ARHGEF17: variants seen among roughly 807,000 people sequenced by gnomAD.
ARHGEF17 encodes the protein 164 kDa Rho-specific guanine-nucleotide exchange factor.
Under a neutral mutation model 174.0 loss-of-function variants are expected in ARHGEF17, and 80 were observed. The observed-to-expected ratio is 0.46, with a 90% CI of 0.38 to 0.55. ARHGEF17 has a LOEUF of 0.55. Ranked by LOEUF, ARHGEF17 falls within the 20% of genes least tolerant of loss-of-function variation. The pLI is 0.00. For synonymous variants in ARHGEF17, 1,311 were observed against 1,189.1 expected (o/e 1.10, Z -2.11); for missense variants, 2,886 against 2,839.7 (o/e 1.02, Z -0.37).
In ARHGEF17 at chr11:73,365,269, T is replaced by A; in HGVS notation, c.5551-121T>A. 1 of 1,156,630 alleles carries A rather than the reference T, an allele frequency of 8.6e-7. No individual in the cohort carries two copies. The highest frequency in any genetic ancestry group is 2.5e-5 in the East Asian group (1 of 39,298). 71.6% of individuals were successfully genotyped at this position (1,156,630 alleles called of 1,614,324 possible). The stretch of plus-strand genomic sequence containing the variant: ...GTGAAACCAAGCTTCGAAAGGTTAA[T>A]CAGACCAAGGACCAACGCTAGTGTG... On this transcript the variant is annotated intron_variant, in intron 18 of 20. Coordinates refer to ENST00000263674, the MANE Select transcript of ARHGEF17 (RefSeq NM_014786.4). This position sits in a 1 kb window ranked among gnomAD's most constrained non-coding sequence, Gnocchi z 4.9.
At chr11:73,312,010 C>T (rs1268940362) in intron 1 of ARHGEF17, among the ~76,000 whole-genome samples, 180 bp downstream of exon 1, 2 of 152,220 alleles carry the variant, frequency 1.3e-5, no homozygotes, top group Non-Finnish European at 1.5e-5. Flanking sequence ...CTCCTGTCTA[C>T]TCAGGCCCTG....
chr11:73,368,920 G>A lies in ARHGEF17; in HGVS notation c.*1140G>A, dbSNP rs1261931129. 6.6e-6 allele frequency: 1 copy of A among 152,318 alleles called. No individual in the cohort carries two copies. The highest frequency in any genetic ancestry group is 6.6e-5 in the Admixed American group (1 of 15,260). 9.4% of individuals were successfully genotyped at this position (152,318 alleles called of 1,614,324 possible). ...CGCTTCTTCAGCTAAAACTCCAAAGGTTTGGTTTCAGATGGGGTTTGTTTT... is the reference window on the plus strand; with the variant it reads ...CGCTTCTTCAGCTAAAACTCCAAAGATTTGGTTTCAGATGGGGTTTGTTTT... On this transcript the variant is annotated 3_prime_UTR_variant, in exon 21 of 21. Coordinates refer to ENST00000263674, the MANE Select transcript of ARHGEF17 (RefSeq NM_014786.4).
chr11:73,320,489 TAGC>T (rs1864999457), intron 1 of ARHGEF17, among the ~76,000 whole-genome samples: 1 of 149,934 alleles, frequency 6.7e-6, no homozygotes, highest in African/African-American at 2.5e-5. Flanking sequence ...AAAAAAAAAT[TAGC>T]AGGGCGTAGT....
In ARHGEF17 at chr11:73,357,330, G is replaced by A. The variant is rs772067163; in HGVS notation, c.4087+3G>A. 2.5e-6 allele frequency: 4 copies of A among 1,612,782 alleles called. No individual in the cohort carries two copies. The highest frequency in any genetic ancestry group is 3.4e-6 in the Non-Finnish European group (4 of 1,179,416). On this transcript the variant is annotated splice_donor_region_variant and intron_variant, in intron 9 of 20. Coordinates refer to ENST00000263674, the MANE Select transcript of ARHGEF17 (RefSeq NM_014786.4). ...GGAAGACGCAGACATCATCAAAGGT[G>A]GGTTTGATGCTAGGGGTTCTGGGTG...
In ARHGEF17 at chr11:73,362,145, C is replaced by T. The variant is rs138185754; in HGVS notation, c.4600C>T (p.Arg1534Cys). The change falls in exon 13 of 21, where the codon CGC (arginine) becomes TGC (cysteine). Residue 1534 changes from arginine (R) to cysteine (C), a missense_variant. Transcript: ENST00000263674. ...YVGQVCLLSL[R>C]AEPDVEACIA... ...GGGCCAGGTGTGCCTGCTGAGCCTG[C>T]GCGCCGAGCCGGACGTGGAGGCCTG... The T allele has an allele frequency of 2.6e-5, 42 of 1,607,712 alleles. No individual in the cohort carries two copies. Among genetic ancestry groups the T allele is most frequent in the Non-Finnish European group, 3.2e-5 (38 of 1,178,534 alleles).
intron 2 of ARHGEF17, chr11:73,347,293 G>T (rs1250743035): frequency 4.7e-6 from 2 of 425,448 alleles, no homozygotes. Context: ...TCACTGACTG[G>T]GAAGTATGAG....
At chr11:73,343,256 C>T (rs1225464413) in intron 1 of ARHGEF17, 2 of 398,626 alleles carry the variant, frequency 5.0e-6, no homozygotes, top group Non-Finnish European at 8.8e-6. Context: ...GCACTGACGC[C>T]GAGGAGCCTG....
chr11:73,327,868 C>G (rs2072973748), intron 1 of ARHGEF17, among the ~76,000 whole-genome samples: 1 of 151,938 alleles, frequency 6.6e-6, no homozygotes, highest in Non-Finnish European at 1.5e-5. Context: ...AAATCCTGCT[C>G]TTCCTCTTAG....
chr11:73,356,460 CG>C, intron 6 of ARHGEF17, 109 bp downstream of exon 6: 1 of 1,369,704 alleles, frequency 7.3e-7, no homozygotes, highest in Admixed American at 2.1e-5. Flanking sequence ...TGTCCATGTC[CG>C]GAACCACAGT....
At chr11:73,366,085 C>A in intron 20 of ARHGEF17, 138 bp downstream of exon 20, 2 of 1,173,334 alleles carry the variant, frequency 1.7e-6, no homozygotes, top group Non-Finnish European at 2.4e-6. Context: ...ACAGGAAATA[C>A]ACCACGGAAG....
rs1264156628 is a variant in ARHGEF17 at position 73,367,666 on chromosome 11, T to A, written c.6078T>A (p.Val2026=). Residue 2026 remains valine, a synonymous_variant, in exon 21 of 21, where the codon GTT becomes GTA. Transcript: ENST00000263674. ...CCCCTGCCAGGCCTAAAATGCTGGTTATCAGTGGAGGTGATGGCTATGAGG... is the reference window on the plus strand; with the variant it reads ...CCCCTGCCAGGCCTAAAATGCTGGTAATCAGTGGAGGTGATGGCTATGAGG... ...GPAPARPKML[V]ISGGDGYEDF... 2 of 1,614,096 alleles carry A rather than the reference T, an allele frequency of 1.2e-6. No individual in the cohort carries two copies. Among genetic ancestry groups the A allele is most frequent in the Non-Finnish European group, 8.5e-7 (1 of 1,179,984 alleles).
In ARHGEF17 at chr11:73,308,619, C is replaced by A. The variant is rs980383204; in HGVS notation, c.-20C>A. On this transcript the variant is annotated 5_prime_UTR_variant, in exon 1 of 21. Transcript: ENST00000263674. ...CCGCGGCTGCCCGAGGCCAGCCCCC[C>A]CGGAGTGAGTTACGCCACTATGGCG... The A allele has an allele frequency of 7.6e-6, 11 of 1,446,868 alleles. No homozygotes were observed. Among genetic ancestry groups the A allele is most frequent in the South Asian group, 1.4e-5 (1 of 72,550 alleles). The allele number at this position is 1,446,868 out of a possible 1,614,324, so 89.6% of individuals were successfully genotyped here.
chr11:73,342,617 G>T (rs533566628), intron 1 of ARHGEF17, among the ~76,000 whole-genome samples: 114 of 152,110 alleles, frequency 7.5e-4, no homozygotes, highest in Non-Finnish European at 1.5e-3. Context: ...GGCCTATTCC[G>T]TGTAGGTGTG....
chr11:73,341,864 G>A (rs996407942), intron 1 of ARHGEF17, among the ~76,000 whole-genome samples: 16 of 152,224 alleles, frequency 1.1e-4, no homozygotes, highest in African/African-American at 3.1e-4. Context: ...CTTGGTGAGC[G>A]TGGCAGCGTG....
intron 1 of ARHGEF17, among the ~76,000 whole-genome samples, chr11:73,339,232 A>G (rs977736311): frequency 5.9e-5 from 9 of 152,102 alleles, no homozygotes; most frequent in African/African-American, 2.2e-4. Flanking sequence ...TTACCTTTAA[A>G]TCCCCAGCAC....
At position 73,362,560 on chromosome 11, in the gene ARHGEF17, C is replaced by T. The variant is rs759953972; in HGVS notation, c.4822C>T (p.Leu1608Phe). ...CGCGGAGCCGGGGCCGCAGCCCTGC[C>T]TTCACATCTCCATTGCAGGCTCGGG... ...TLAEPGPQPC[L>F]HISIAGSGLE... The change falls in exon 14 of 21, where the codon CTT (leucine) becomes TTT (phenylalanine). Residue 1608 changes from leucine (L) to phenylalanine (F), a missense_variant. Coordinates refer to ENST00000263674, the MANE Select transcript of ARHGEF17 (RefSeq NM_014786.4). 11 of 1,609,254 alleles carry T rather than the reference C, an allele frequency of 6.8e-6. No homozygotes were observed. In the East Asian group the frequency reaches 1.1e-4, roughly 16 times the overall value.
At chr11:73,360,242 C>A in intron 10 of ARHGEF17, 78 bp from the exon 11 acceptor site, 1 of 1,497,802 alleles carries the variant, frequency 6.7e-7, no homozygotes, top group South Asian at 1.2e-5. Flanking sequence ...AGGAGAGAGG[C>A]AGGTCCCCAC....
chr11:73,350,687 A>C (rs1389350686), intron 2 of ARHGEF17, among the ~76,000 whole-genome samples: 1 of 152,192 alleles, frequency 6.6e-6, no homozygotes, highest in Non-Finnish European at 1.5e-5. Context: ...TCCCTTCCTC[A>C]GTGTCACCCT....
At chr11:73,345,260 G>A (rs894271565) in intron 1 of ARHGEF17, among the ~76,000 whole-genome samples, 4 of 152,028 alleles carry the variant, frequency 2.6e-5, no homozygotes, top group African/African-American at 9.7e-5. Flanking sequence ...TGCTGTTTCC[G>A]GAGGCCCTGA....
Sources: gnomAD v4.1 joint callset for allele counts (sites outside exome capture counted in the v4.1 genomes callset) on GRCh38, gnomAD v4.1.1 for gene constraint, Gnocchi (gnomAD v3.1) non-coding constraint, MANE v1.5 for transcripts, NCBI Gene and HGNC (gene_info 2026-07-23, HGNC 2026-07-21) for gene names.